ZNF286A: variants seen among roughly 807,000 people sequenced by gnomAD.
ZNF286A encodes zinc finger protein 286A, also known as zinc finger protein ZNF286.
A neutral mutation model predicts 49.3 loss-of-function variants in ZNF286A; 34 were observed. The observed-to-expected ratio is 0.69, with a 90% confidence interval of 0.52 to 0.92. The LOEUF is 0.92. ZNF286A is among the 40% of genes least tolerant of loss of function. ZNF286A has a pLI of 0.00. For synonymous variants in ZNF286A, 155 were observed against 200.4 expected (o/e 0.77, Z 1.91); for missense variants, 462 against 600.2 (o/e 0.77, Z 2.41).
chr17:15,701,080 G>A, intron 2 of ZNF286A, 72 bp from the exon 3 acceptor site: 1 of 1,258,330 alleles, frequency 7.9e-7, no homozygotes, highest in Non-Finnish European at 1.1e-6. Flanking sequence ...GTATGTTGAA[G>A]TGGTTTTTAG....
Position 15,716,938 on chromosome 17 carries a change from C to A in ZNF286A, c.1214C>A (p.Thr405Asn), listed in dbSNP as rs2085661345. 2 of 1,610,970 alleles carry A rather than the reference C, an allele frequency of 1.2e-6. No homozygotes were observed. Among genetic ancestry groups the A allele is most frequent in the Non-Finnish European group, 1.7e-6 (2 of 1,177,964 alleles). ...SSLTKHQRVH[T>N]GEKPYECSEC... ...CTAACTAAGCATCAGAGAGTTCATA[C>A]TGGAGAAAAGCCATATGAATGCAGT... Residue 405 changes from threonine to asparagine, a missense_variant, in exon 6 of 6, where the codon ACT (threonine) becomes AAT (asparagine). Around this residue, in one of 3 missense-constraint regions of ZNF286A, gnomAD observed 201 missense variants for 311.3 expected, o/e 0.65. Transcript: ENST00000583566.
rs368175021 is a variant in ZNF286A, at chr17:15,708,208, T to C, written c.295T>C (p.Leu99=). 2.6e-5 allele frequency: 41 copies of C among 1,595,164 alleles called. No homozygotes were observed. The Admixed American group carries it at 6.4e-4, about 25-fold the overall frequency. The change falls in exon 5 of 6, where the codon TTG becomes CTG. Residue 99 remains leucine (L), a synonymous_variant. Transcript: ENST00000583566. ...CAACTTGGAGAATGGAAAAGAACCA[T>C]TGAAGCTTGAGAGAAAAGCCCCCAA... is the stretch of plus-strand genomic sequence containing the variant. ...SYNLENGKEP[L]KLERKAPKSS...
intron 3 of ZNF286A, chr17:15,704,474 C>T: frequency 5.0e-6 from 8 of 1,613,594 alleles, no homozygotes; most frequent in South Asian, 1.1e-5. Context: ...GCCGCATACT[C>T]CTCGGAGTTC....
intron 5 of ZNF286A, chr17:15,711,550 G>C (rs994584509): frequency 7.9e-5 from 12 of 152,216 alleles, no homozygotes; most frequent in African/African-American, 2.4e-5. Flanking sequence ...TGAACCAGAG[G>C]AGTACAGGCC....
chr17:15,704,755 C>T lies in ZNF286A; in HGVS notation c.127-1632C>T, dbSNP rs566645874. The stretch of plus-strand genomic sequence containing the variant: ...TCCAGCATATGGGGTCCCTTCAGGG[C>T]CCTCGATGGTGACCTGGAGGTCGGT... On this transcript the variant is annotated intron_variant, in intron 3 of 5. Coordinates refer to ENST00000583566, the MANE Select transcript of ZNF286A (RefSeq NM_001130842.2). 65 of 1,614,062 alleles carry T rather than the reference C, an allele frequency of 4.0e-5. 1 individual carries two copies. In the East Asian group the frequency reaches 4.7e-4, roughly 12 times the overall value.
rs1212902381 is a variant in ZNF286A, at chr17:15,717,053, T to C, written c.1329T>C (p.Cys443=). Residue 443 remains cysteine (C), a synonymous_variant, in exon 6 of 6, where the codon TGT becomes TGC. Coordinates refer to ENST00000583566, the MANE Select transcript of ZNF286A (RefSeq NM_001130842.2). The stretch of plus-strand genomic sequence containing the variant: ...AGAAACCCTATGAGTGTAATGAATG[T>C]GGGAAAACCTTCAGCCGGAGCTCCA... The part of the protein sequence containing the change: ...TGEKPYECNE[C]GKTFSRSSNF... 1 of 1,614,030 alleles carries C rather than the reference T, an allele frequency of 6.2e-7. No homozygotes were observed. Among genetic ancestry groups the C allele is most frequent in the Non-Finnish European group, 8.5e-7 (1 of 1,180,028 alleles).
At chr17:15,705,991 T>A (rs1198894723) in intron 3 of ZNF286A, among the ~76,000 whole-genome samples, 2 of 152,214 alleles carry the variant, frequency 1.3e-5, no homozygotes, top group Non-Finnish European at 1.5e-5. Context: ...CTAGATTGAC[T>A]CTTCAATTTT....
chr17:15,707,329 A>G (rs1474396198), intron 4 of ZNF286A, among the ~76,000 whole-genome samples: 3 of 151,326 alleles, frequency 2.0e-5, no homozygotes, highest in Non-Finnish European at 2.9e-5. Context: ...AGTCCCAGCT[A>G]CTCGGGAGGC....
rs1194362505 is a variant in ZNF286A, at chr17:15,716,648, A to T, written c.924A>T (p.Thr308=). The T allele has an allele frequency of 6.2e-7, 1 of 1,614,142 alleles. No homozygotes were observed. The highest frequency in any genetic ancestry group is 8.5e-7 in the Non-Finnish European group (1 of 1,179,996). The change falls in exon 6 of 6, where the codon ACA becomes ACT. Residue 308 remains threonine (T), a synonymous_variant. Transcript: ENST00000583566. ...GCAGTGAATGCAAGAAAACCTTCAC[A>T]GAAAGCTCATCCCTTGCAACACATC... is the stretch of plus-strand genomic sequence containing the variant. The part of the protein sequence containing the change: ...FECSECKKTF[T]ESSSLATHQR...
intron 3 of ZNF286A, chr17:15,701,499 T>TG (rs1213611443): frequency 3.0e-6 from 1 of 331,838 alleles, no homozygotes; most frequent in Non-Finnish European, 5.6e-6. Context: ...TAGCCTCCTA[T>TG]GCTCATTTCT....
chr17:15,709,767 A>T (rs1474190904), intron 5 of ZNF286A: 18 of 1,531,012 alleles, frequency 1.2e-5, no homozygotes, highest in Non-Finnish European at 1.6e-5. Context: ...CTGTGGAGTC[A>T]TAAGTCCACT....
Position 15,716,752 on chromosome 17 carries a change from A to G in ZNF286A, c.1028A>G (p.Gln343Arg), listed in dbSNP as rs769779976. 1.9e-6 allele frequency: 3 copies of G among 1,613,990 alleles called. No homozygotes were observed. The East Asian group carries it at 6.7e-5, about 36-fold the overall frequency. The change falls in exon 6 of 6, where the codon CAG becomes CGG. Residue 343 changes from glutamine to arginine, a missense_variant. Gln to Arg is a conservative substitution (Grantham distance 43). Around this residue, in one of 3 missense-constraint regions of ZNF286A, gnomAD observed 201 missense variants for 311.3 expected, o/e 0.65. Transcript: ENST00000583566. ...TTTAATCGAAGTACACATCTTGTGC[A>G]GCATCAGTTGATTCATACTGGAGTG... Reference protein sequence around the residue: ...KGFNRSTHLVQHQLIHTGVKP... With the variant: ...KGFNRSTHLVRHQLIHTGVKP...
chr17:15,705,362 G>A (rs1216369819), intron 3 of ZNF286A, among the ~76,000 whole-genome samples: 2 of 151,464 alleles, frequency 1.3e-5, no homozygotes, highest in Non-Finnish European at 2.9e-5. Context: ...CTTTTATATT[G>A]TAAATATTTC....
At chr17:15,708,792 C>T (rs1990434000) in intron 5 of ZNF286A, among the ~76,000 whole-genome samples, 2 of 152,170 alleles carry the variant, frequency 1.3e-5, no homozygotes, top group African/African-American at 2.4e-5. Flanking sequence ...ATAATTTATT[C>T]ATTATCATTG....
intron 3 of ZNF286A, chr17:15,704,545 A>G: frequency 6.2e-7 from 1 of 1,614,102 alleles, no homozygotes; most frequent in Non-Finnish European, 8.5e-7. Context: ...GTGGATCAGC[A>G]GGCACCTGAT....
chr17:15,717,783 C>T lies in ZNF286A; in HGVS notation c.*493C>T, dbSNP rs1967144891. On this transcript the variant is annotated 3_prime_UTR_variant, in exon 6 of 6. Coordinates refer to ENST00000583566, the MANE Select transcript of ZNF286A (RefSeq NM_001130842.2). ...AGAGTGTAATTTCTTTTATATTAGC[C>T]TTAAAAACCAAAAATGCTGGGTTCA... is the stretch of plus-strand genomic sequence containing the variant. 1 of 156,770 alleles carries T rather than the reference C, an allele frequency of 6.4e-6. No homozygotes were observed. Among genetic ancestry groups the T allele is most frequent in the Admixed American group, 6.1e-5 (1 of 16,366 alleles). The allele number at this position is 156,770 out of a possible 1,614,324, so 9.7% of individuals were successfully genotyped here.
chr17:15,719,043 C>T lies in ZNF286A; in HGVS notation c.*1753C>T, dbSNP rs1429079629. 8.4e-6 allele frequency: 1 copy of T among 119,010 alleles called. No individual in the cohort carries two copies. Among genetic ancestry groups the T allele is most frequent in the Admixed American group, 8.3e-5 (1 of 12,004 alleles). 7.4% of individuals were successfully genotyped at this position (119,010 alleles called of 1,614,324 possible). Reference sequence around the variant, plus strand: ...ATTCATGAGAAACTACCTGCGTGGTCCAGTCACCTTGCACCAGGCCCCACC... The same window carrying T: ...ATTCATGAGAAACTACCTGCGTGGTTCAGTCACCTTGCACCAGGCCCCACC... On this transcript the variant is annotated 3_prime_UTR_variant, in exon 6 of 6. Transcript: ENST00000583566.
At chr17:15,713,475 A>G (rs568104177) in intron 5 of ZNF286A, among the ~76,000 whole-genome samples, 2 of 152,360 alleles carry the variant, frequency 1.3e-5, no homozygotes, top group African/African-American at 4.8e-5. Flanking sequence ...AGCATCACAC[A>G]GATACAAGTT....
chr17:15,706,992 T>A (rs1210493213), intron 4 of ZNF286A, among the ~76,000 whole-genome samples: 1 of 152,064 alleles, frequency 6.6e-6, no homozygotes, highest in East Asian at 1.9e-4. Context: ...AGTGAAACAA[T>A]CTCTAGAGCC....
Sources: allele counts gnomAD v4.1 joint callset (sites outside exome capture counted in the v4.1 genomes callset), GRCh38; gene constraint gnomAD v4.1.1; regional missense constraint gnomAD v4.1.1; transcripts MANE v1.5; gene names NCBI Gene and HGNC (gene_info 2026-07-23, HGNC 2026-07-21).